Variants in KIF13B observed in about 807,000 individuals in gnomAD.
KIF13B encodes the protein kinesin family member 13B, also known as kinesin-like protein KIF13B.
Under a neutral mutation model 222.0 loss-of-function variants are expected in KIF13B, and 127 were observed. The observed-to-expected ratio is 0.57, with a 90% confidence interval of 0.50 to 0.66. The LOEUF is 0.66. Among genes scored for constraint, KIF13B ranks in the 30% least tolerant of loss-of-function variants. The pLI is 0.00. For synonymous variants in KIF13B, 976 were observed against 919.0 expected (o/e 1.06, Z -1.12); for missense variants, 2,173 against 2,379.0 (o/e 0.91, Z 1.80).
intron 14 of KIF13B, 53 bp downstream of exon 14, chr8:29,155,673 C>G (rs1454594208): frequency 2.0e-6 from 3 of 1,518,398 alleles, no homozygotes; most frequent in Non-Finnish European, 2.7e-6. Context: ...CACTAGAGTA[C>G]TTTCTTCCTC....
chr8:29,261,999 G>T (rs1380562119), intron 1 of KIF13B, among the ~76,000 whole-genome samples: 1 of 152,182 alleles, frequency 6.6e-6, no homozygotes, highest in Non-Finnish European at 1.5e-5. Flanking sequence ...GTACTTAAAT[G>T]ATTCTAATTA....
In KIF13B at chr8:29,181,909, A is replaced by ATGT; in HGVS notation, c.585+7_585+9dup. ...TAAATTTAAATAGTTCACATACAGG[A>ATGT]TGTTGTTACCTTGTAGCTTGTGACA... On this transcript the variant is annotated intron_variant, in intron 7 of 39. Coordinates refer to ENST00000524189, the MANE Select transcript of KIF13B (RefSeq NM_015254.4). The ATGT allele has an allele frequency of 6.2e-7, 1 of 1,600,348 alleles. No individual in the cohort carries two copies.
intron 2 of KIF13B, among the ~76,000 whole-genome samples, chr8:29,227,592 T>C (rs1212849195): frequency 2.0e-5 from 3 of 152,204 alleles, no homozygotes; most frequent in Non-Finnish European, 2.9e-5. Flanking sequence ...AAGATTATTC[T>C]GAGAAGGAGT....
chr8:29,129,552 C>T (rs1003878898), intron 24 of KIF13B, among the ~76,000 whole-genome samples: 12 of 151,928 alleles, frequency 7.9e-5, no homozygotes, highest in Admixed American at 5.2e-4. Flanking sequence ...TTTCTACGCT[C>T]GTTTTCTAGA....
chr8:29,111,993 A>T (rs1200300587), intron 32 of KIF13B, among the ~76,000 whole-genome samples: 1 of 152,246 alleles, frequency 6.6e-6, no homozygotes, highest in Non-Finnish European at 1.5e-5. Flanking sequence ...TGCAAACTCC[A>T]AATTAAATAA....
At chr8:29,099,308 G>A in intron 35 of KIF13B, 67 bp from the exon 36 acceptor site, 1 of 1,068,440 alleles carries the variant, frequency 9.4e-7, no homozygotes, top group East Asian at 2.4e-5. Context: ...AAAAATTACA[G>A]ATACTCAAGA....
intron 37 of KIF13B, among the ~76,000 whole-genome samples, chr8:29,077,677 A>G (rs1051314985): frequency 3.9e-5 from 6 of 152,224 alleles, no homozygotes; most frequent in African/African-American, 2.4e-5. Flanking sequence ...CATGCAAACA[A>G]GTTACACTTT....
intron 13 of KIF13B, among the ~76,000 whole-genome samples, chr8:29,159,288 C>T (rs1811666457): frequency 6.6e-6 from 1 of 152,084 alleles, no homozygotes; most frequent in Non-Finnish European, 1.5e-5. Flanking sequence ...GTAGCTGGGA[C>T]TACAGGCATG....
Position 29,069,811 on chromosome 8 carries a change from T to A in KIF13B, c.*693A>T, listed in dbSNP as rs780583410. 1.3e-5 allele frequency: 2 copies of A among 152,246 alleles called. No individual in the cohort carries two copies. Among genetic ancestry groups the A allele is most frequent in the African/African-American group, 4.8e-5 (2 of 41,456 alleles). The allele number at this position is 152,246 out of a possible 1,614,324, so 9.4% of individuals were successfully genotyped here. ...AATAAACGGCAAACATAAGAGACTT[T>A]CCAGGTGTCTAAAGATGCCAAAACA... is the stretch of plus-strand genomic sequence containing the variant. On this transcript the variant is annotated 3_prime_UTR_variant, in exon 40 of 40. Coordinates refer to ENST00000524189, the MANE Select transcript of KIF13B (RefSeq NM_015254.4).
At position 29,109,438 on chromosome 8, in the gene KIF13B, T is replaced by C. The variant is rs1376037682; in HGVS notation, c.4157A>G (p.Asn1386Ser). The C allele has an allele frequency of 1.2e-6, 2 of 1,612,954 alleles. No homozygotes were observed. Among genetic ancestry groups the C allele is most frequent in the South Asian group, 2.2e-5 (2 of 91,064 alleles). The stretch of plus-strand genomic sequence containing the variant: ...AGCTTGGTTCCACACACTCACTCTG[T>C]TCACATTTGGAGAACTGATACTCCT... ...SRRSISSPNV[N>S]RLSGSRQDLI... The change falls in exon 34 of 40, where the codon AAC becomes AGC. Residue 1386 changes from asparagine to serine, a missense_variant. Physicochemically the swap from Asn to Ser is conservative, Grantham distance 46 (BLOSUM62 1). Transcript: ENST00000524189.
At chr8:29,161,733 CA>C (rs1230844563) in intron 12 of KIF13B, among the ~76,000 whole-genome samples, 1 of 144,104 alleles carries the variant, frequency 6.9e-6, no homozygotes, top group Non-Finnish European at 1.5e-5. Context: ...AACAAACAAA[CA>C]AAACAAACGT....
chr8:29,082,236 TCAA>T (rs764547612), intron 37 of KIF13B, among the ~76,000 whole-genome samples: 73 of 152,184 alleles, frequency 4.8e-4, no homozygotes, highest in Non-Finnish European at 9.3e-4. Context: ...ATTTTTCCTA[TCAA>T]CAAGTAAATT....
At chr8:29,083,344 G>C (rs1283383664) in intron 37 of KIF13B, among the ~76,000 whole-genome samples, 1 of 152,050 alleles carries the variant, frequency 6.6e-6, no homozygotes, top group African/African-American at 2.4e-5. Context: ...GAGACCACAT[G>C]GCATGCAAAT....
intron 21 of KIF13B, among the ~76,000 whole-genome samples, chr8:29,139,043 G>C (rs1029947488): frequency 2.0e-5 from 3 of 152,160 alleles, no homozygotes; most frequent in Non-Finnish European, 4.4e-5. Context: ...TGCTAAGGGA[G>C]GGGGGCAGCA....
At chr8:29,256,235 T>C (rs1456518009) in intron 1 of KIF13B, among the ~76,000 whole-genome samples, 1 of 152,206 alleles carries the variant, frequency 6.6e-6, no homozygotes, top group Non-Finnish European at 1.5e-5. Context: ...CTGCTTCTCC[T>C]GTGCTTCTGA....
chr8:29,161,707 C>CG lies in KIF13B; in HGVS notation c.1270-841_1270-840insC, dbSNP rs559480079. ...AAAGACTCCATCTCAAAACCCCCCCCCAAAAAAAAACAAAAAACAAACAAA... is the reference window on the plus strand; with the variant it reads ...AAAGACTCCATCTCAAAACCCCCCCCGCAAAAAAAAACAAAAAACAAACAAA... On this transcript the variant is annotated intron_variant, in intron 12 of 39. Coordinates refer to ENST00000524189, the MANE Select transcript of KIF13B (RefSeq NM_015254.4). 5.1e-3 allele frequency among the ~76,000 whole-genome samples: 769 copies of CG among 150,190 alleles called. 23 individuals are homozygous for CG. Among genetic ancestry groups the CG allele is most frequent in the Admixed American group, 0.045 (674 of 15,058 alleles).
intron 2 of KIF13B, among the ~76,000 whole-genome samples, chr8:29,203,892 CAAAAAA>C (rs11432771): frequency 1.5e-5 from 1 of 66,190 alleles, no homozygotes; most frequent in African/African-American, 6.5e-5. Context: ...AGTTCCGTCT[CAAAAAA>C]AAAAAAAAAA....
At chr8:29,153,620 A>AT (rs917595179) in intron 14 of KIF13B, among the ~76,000 whole-genome samples, 5 of 150,972 alleles carry the variant, frequency 3.3e-5, no homozygotes, top group African/African-American at 4.9e-5. Context: ...ATCAAGTACA[A>AT]TTTTTTTAAC....
chr8:29,177,364 GA>G, intron 9 of KIF13B, 101 bp downstream of exon 9: 1 of 868,162 alleles, frequency 1.2e-6, no homozygotes, highest in Non-Finnish European at 1.9e-6. Context: ...GAAAATACCA[GA>G]AAAAAATTTC....
Sources: allele counts gnomAD v4.1 joint callset (sites outside exome capture counted in the v4.1 genomes callset), GRCh38; gene constraint gnomAD v4.1.1; transcripts MANE v1.5; gene names NCBI Gene and HGNC (gene_info 2026-07-23, HGNC 2026-07-21).